UST: variants seen among roughly 807,000 people sequenced by gnomAD.
UST encodes the protein uronyl 2-sulfotransferase, also known as chondroitin sulfate 2-O-sulfotransferase.
Under a neutral mutation model 45.6 loss-of-function variants are expected in UST, and 21 were observed. That is an observed-to-expected ratio of 0.46 (90% confidence interval 0.33 to 0.66). UST has a LOEUF of 0.66. UST is among the 30% of genes least tolerant of loss of function. UST has a pLI of 0.02. For synonymous variants in UST, 215 were observed against 200.6 expected, an observed-to-expected ratio of 1.07 and a Z score of -0.61; for missense variants, 463 against 512.4, an observed-to-expected ratio of 0.90 and a Z score of 0.93.
At chr6:148,985,423 A>T (rs1377118173) in intron 5 of UST, among the ~76,000 whole-genome samples, 1 of 152,204 alleles carries the variant, frequency 6.6e-6, no homozygotes, top group African/African-American at 2.4e-5. Context: ...ACTGAACAAG[A>T]GTCCCAGGAA....
chr6:149,017,799 T>TATATATATATATATATAC lies in UST; in HGVS notation c.682-1339_682-1338insTATATATATATATATACA, dbSNP rs956279478. 2.0e-3 allele frequency among the ~76,000 whole-genome samples: 302 copies of TATATATATATATATATAC among 148,856 alleles called. 2 individuals carry two copies. The highest frequency in any genetic ancestry group is 7.0e-3 in the African/African-American group (284 of 40,458). On this transcript the variant is annotated intron_variant, in intron 5 of 7. Coordinates refer to ENST00000367463, the MANE Select transcript of UST (RefSeq NM_005715.3). ...CATTGCAGCAATGAATATCCATATA[T>TATATATATATATATATAC]ACACACACACACACACACACACACA...
rs76111412 is a variant in UST at position 149,000,693 on chromosome 6, G to T, written c.682-18446G>T. Among the ~76,000 whole-genome samples the T allele has an allele frequency of 9.2e-3, 1,393 of 152,204 alleles. 22 individuals carry two copies. Among genetic ancestry groups the T allele is most frequent in the African/African-American group, 0.032 (1,332 of 41,518 alleles). On this transcript the variant is annotated intron_variant, in intron 5 of 7. Coordinates refer to ENST00000367463, the MANE Select transcript of UST (RefSeq NM_005715.3). ...TAAGTGTGCCTAGGATGTTTGAAAA[G>T]ACAAAAGAATGAATAGCTTCCATTT...
intron 2 of UST, among the ~76,000 whole-genome samples, chr6:148,910,266 A>G (rs1463921911): frequency 2.0e-5 from 3 of 150,742 alleles, no homozygotes; most frequent in Non-Finnish European, 2.9e-5. Flanking sequence ...TCAGCCTCCC[A>G]AGTAGCTGGG....
chr6:149,007,829 A>G (rs753184892), intron 5 of UST, among the ~76,000 whole-genome samples: 1 of 152,158 alleles, frequency 6.6e-6, no homozygotes, highest in Non-Finnish European at 1.5e-5. Context: ...CCAAGAGGCC[A>G]GTTGCTTCCT....
At chr6:148,832,378 A>G (rs1422003582) in intron 1 of UST, among the ~76,000 whole-genome samples, 1 of 152,208 alleles carries the variant, frequency 6.6e-6, no homozygotes, top group Non-Finnish European at 1.5e-5. Flanking sequence ...TTTGGTGTGC[A>G]TATTAATTTT....
chr6:148,808,873 G>A (rs1407102092), intron 1 of UST, among the ~76,000 whole-genome samples: 1 of 152,200 alleles, frequency 6.6e-6, no homozygotes, highest in Non-Finnish European at 1.5e-5. Context: ...ACAGTGAGAA[G>A]GTGGCCATCT....
intron 1 of UST, among the ~76,000 whole-genome samples, chr6:148,757,107 C>T (rs979304143): frequency 6.6e-6 from 1 of 152,234 alleles, no homozygotes; most frequent in African/African-American, 2.4e-5. Context: ...AAGCCATCCT[C>T]CCACCTCAGC....
At chr6:148,868,078 T>C (rs1337973066) in intron 1 of UST, among the ~76,000 whole-genome samples, 1 of 152,158 alleles carries the variant, frequency 6.6e-6, no homozygotes. Flanking sequence ...CAAAGGACAC[T>C]GTGATCTGAG....
In UST at chr6:148,748,515, A is replaced by C. The variant is rs1775924600; in HGVS notation, c.247+838A>C. On this transcript the variant is annotated intron_variant, in intron 1 of 7. Coordinates refer to ENST00000367463, the MANE Select transcript of UST (RefSeq NM_005715.3). The surrounding 1 kb of genome is among the most constrained non-coding windows in gnomAD (Gnocchi z 5.3). ...GTAAGGAAGGGGTTTGACGGGAGGG[A>C]AAGAGCCGCTCCAGCGAGAAGGCGT... 6.6e-6 allele frequency among the ~76,000 whole-genome samples: 1 copy of C among 151,470 alleles called. No homozygotes were observed. The highest frequency in any genetic ancestry group is 2.1e-4 in the South Asian group (1 of 4,792).
rs1196947778 is a variant in UST at position 148,841,580 on chromosome 6, TG to T, written c.248-45405del. Among the ~76,000 whole-genome samples, 68 of 131,238 alleles carry T rather than the reference TG, an allele frequency of 5.2e-4. 1 individual carries two copies. The South Asian group carries it at 8.4e-3, about 16-fold the overall frequency. The allele number at this position is 131,238 out of a possible 152,430, so 86.1% of individuals were successfully genotyped here. A position where few individuals can be genotyped will look rare whatever the true frequency, so the allele number is the denominator to read the frequency against. On this transcript the variant is annotated intron_variant, in intron 1 of 7. Coordinates refer to ENST00000367463, the MANE Select transcript of UST (RefSeq NM_005715.3). ...ATAATTTGCCCAAGGGGGTCTGTTTTGTTTTTGTTTTTTTTTTCTGTCATGT... is the reference window on the plus strand; with the variant it reads ...ATAATTTGCCCAAGGGGGTCTGTTTTTTTTTGTTTTTTTTTTCTGTCATGT...
chr6:149,031,854 G>A (rs905565480), intron 7 of UST, among the ~76,000 whole-genome samples: 5 of 152,222 alleles, frequency 3.3e-5, no homozygotes, highest in Non-Finnish European at 7.3e-5. Flanking sequence ...GGGCTGGGGC[G>A]CATAACCCTG....
intron 1 of UST, among the ~76,000 whole-genome samples, chr6:148,771,912 G>T (rs1180519456): frequency 6.6e-6 from 1 of 152,126 alleles, no homozygotes; most frequent in South Asian, 2.1e-4. Context: ...ATTGGGAAAG[G>T]GTGGCCTCTG....
At chr6:148,785,543 G>A (rs1351572742) in intron 1 of UST, among the ~76,000 whole-genome samples, 1 of 152,126 alleles carries the variant, frequency 6.6e-6, no homozygotes, top group Non-Finnish European at 1.5e-5. Flanking sequence ...AATGACCAGC[G>A]AACTACCATT....
At chr6:148,774,112 T>C (rs1005874076) in intron 1 of UST, among the ~76,000 whole-genome samples, 4 of 152,160 alleles carry the variant, frequency 2.6e-5, no homozygotes, top group Non-Finnish European at 4.4e-5. Flanking sequence ...CTCCTATTCT[T>C]GGCTTTCAAC....
chr6:149,007,025 C>T (rs781059968), intron 5 of UST, among the ~76,000 whole-genome samples: 2 of 151,538 alleles, frequency 1.3e-5, no homozygotes, highest in Non-Finnish European at 2.9e-5. Flanking sequence ...CTTAACTGGA[C>T]TTCTATCACA....
At chr6:148,851,143 G>A (rs749629531) in intron 1 of UST, among the ~76,000 whole-genome samples, 5 of 152,246 alleles carry the variant, frequency 3.3e-5, no homozygotes, top group South Asian at 2.1e-4. Context: ...AGCCAGGCTC[G>A]CTCCTGCTCC....
At chr6:149,017,636 G>T (rs976173261) in intron 5 of UST, among the ~76,000 whole-genome samples, 3 of 152,072 alleles carry the variant, frequency 2.0e-5, no homozygotes, top group African/African-American at 7.2e-5. Context: ...GACTTTTCAG[G>T]ATAGCACACA....
chr6:148,859,181 A>C (rs1778261431), intron 1 of UST, among the ~76,000 whole-genome samples: 1 of 150,088 alleles, frequency 6.7e-6, no homozygotes, highest in Non-Finnish European at 1.5e-5. Context: ...ACTTTTTACC[A>C]TTCTAACTGG....
chr6:148,796,183 C>A (rs1158010185), intron 1 of UST, among the ~76,000 whole-genome samples: 1 of 152,064 alleles, frequency 6.6e-6, no homozygotes, highest in Non-Finnish European at 1.5e-5. Context: ...TGGCACTTTG[C>A]CCTTTATTTC....
Sources: gnomAD v4.1 joint callset for allele counts (sites outside exome capture counted in the v4.1 genomes callset) on GRCh38, gnomAD v4.1.1 for gene constraint, Gnocchi (gnomAD v3.1) non-coding constraint, MANE v1.5 for transcripts, NCBI Gene and HGNC (gene_info 2026-07-23, HGNC 2026-07-21) for gene names.